Variants in CELF2 observed in about 807,000 individuals in gnomAD.
CELF2 encodes the protein CUG triplet repeat RNA-binding protein 2.
Under a neutral mutation model 62.6 loss-of-function variants are expected in CELF2, and 8 were observed. The observed-to-expected ratio is 0.13, with a 90% CI of 0.07 to 0.23. The LOEUF is 0.23. CELF2 is among the 10% of genes least tolerant of loss of function. The pLI, the probability that CELF2 is intolerant of heterozygous loss-of-function variation, is 1.00. For missense variants in CELF2, 333 were observed against 671.0 expected, an observed-to-expected ratio of 0.50 and a Z score of 5.56; for synonymous variants, 258 against 250.0, an observed-to-expected ratio of 1.03 and a Z score of -0.30.
At chr10:11,091,545 A>G (rs2048326644) in intron 1 of CELF2, among the ~76,000 whole-genome samples, 1 of 152,228 alleles carries the variant, frequency 6.6e-6, no homozygotes, top group African/African-American at 2.4e-5. Context: ...AGGGTAAACT[A>G]GATTTGTGAG....
At chr10:11,124,462 T>C (rs1050647849) in intron 1 of CELF2, among the ~76,000 whole-genome samples, 9 of 152,158 alleles carry the variant, frequency 5.9e-5, no homozygotes, top group Admixed American at 1.3e-4. Flanking sequence ...ATAAATTGCA[T>C]TACAAAGATG....
chr10:10,836,454 G>C (rs2058293864), intron 1 of CELF2, among the ~76,000 whole-genome samples: 1 of 152,210 alleles, frequency 6.6e-6, no homozygotes, highest in Admixed American at 6.5e-5. Context: ...CAACACTGAA[G>C]TAGATAACAA....
intron 1 of CELF2, among the ~76,000 whole-genome samples, chr10:11,135,289 C>G (rs2132007337): frequency 6.6e-6 from 1 of 152,342 alleles, no homozygotes; most frequent in African/African-American, 2.4e-5. Context: ...TATGCAGCGT[C>G]TATATTAACC....
the CELF2 span, among the ~76,000 whole-genome samples, chr10:10,548,348 A>T: frequency 6.6e-6 from 1 of 152,220 alleles, no homozygotes; most frequent in Non-Finnish European, 1.5e-5. Flanking sequence ...TCTCAGCTTC[A>T]AATTCAACCT....
Position 11,039,892 on chromosome 10 carries a change from G to A in CELF2, c.74+21729G>A, listed in dbSNP as rs991705418. On this transcript the variant is annotated intron_variant, in intron 1 of 12. Coordinates refer to ENST00000633077, the MANE Select transcript of CELF2 (RefSeq NM_001326342.2). This position sits in a 1 kb window ranked among gnomAD's most constrained non-coding sequence, Gnocchi z 4.1. ...GGAATGTGGTATGTGTTGGGGGTGG[G>A]ATCTTCCTGTTTGTTTTTGTCAAGC... Among the ~76,000 whole-genome samples, 1 of 152,116 alleles carries A rather than the reference G, an allele frequency of 6.6e-6. No homozygotes were observed. Among genetic ancestry groups the A allele is most frequent in the Non-Finnish European group, 1.5e-5 (1 of 68,024 alleles).
intron 1 of CELF2, among the ~76,000 whole-genome samples, chr10:10,895,505 C>T (rs2062481573): frequency 6.6e-6 from 1 of 152,032 alleles, no homozygotes; most frequent in African/African-American, 2.4e-5. Flanking sequence ...CAAAGAAGGA[C>T]CAGTAGTTGA....
upstream of CELF2, among the ~76,000 whole-genome samples, chr10:10,795,219 G>A (rs536370208): frequency 3.4e-5 from 5 of 149,060 alleles, no homozygotes; most frequent in South Asian, 2.2e-4. Flanking sequence ...AATCACGAAT[G>A]TTGCATTATA....
intron 5 of CELF2, among the ~76,000 whole-genome samples, chr10:11,258,084 C>G (rs574044596): frequency 6.6e-6 from 1 of 152,342 alleles, no homozygotes; most frequent in East Asian, 1.9e-4. Context: ...CATATTAGCT[C>G]AAGTTATCAC....
At chr10:11,325,738 A>G (rs553017083) in intron 11 of CELF2, 98 bp from the exon 12 acceptor site, 214 of 1,081,282 alleles carry the variant, frequency 2.0e-4, no homozygotes, top group South Asian at 1.9e-3. Flanking sequence ...TGTTCAACTA[A>G]ATGCTTAGCC....
intron 11 of CELF2, among the ~76,000 whole-genome samples, chr10:11,323,496 C>T (rs1017763561): frequency 1.3e-5 from 2 of 151,320 alleles, no homozygotes; most frequent in African/African-American, 2.4e-5. Context: ...CAGTTCAGTC[C>T]GAGGTTGCGA....
rs1591530357 is a variant in CELF2 at position 11,321,920 on chromosome 10, C to T, written c.1294+534C>T. ...CAGATCTAAGTCCAGGAAAGTTGAT[C>T]ACCTTTCTTGCAATCCCCAAATATC... On this transcript the variant is annotated intron_variant, in intron 11 of 12. Transcript: ENST00000633077. The surrounding 1 kb of genome is among the most constrained non-coding windows in gnomAD (Gnocchi z 6.2). Among the ~76,000 whole-genome samples, 1 of 152,182 alleles carries T rather than the reference C, an allele frequency of 6.6e-6. No individual in the cohort carries two copies. Among genetic ancestry groups the T allele is most frequent in the East Asian group, 1.9e-4 (1 of 5,202 alleles).
chr10:11,096,684 C>G (rs773758656), intron 1 of CELF2, among the ~76,000 whole-genome samples: 9 of 152,114 alleles, frequency 5.9e-5, no homozygotes, highest in Admixed American at 2.0e-4. Context: ...AATGACAAAA[C>G]CAAACCAAAC....
At chr10:11,313,256 A>C (rs973351121) in intron 9 of CELF2, among the ~76,000 whole-genome samples, 1 of 152,260 alleles carries the variant, frequency 6.6e-6, no homozygotes, top group Non-Finnish European at 1.5e-5. Context: ...TGCAAGTAGT[A>C]ACCTCTTGCA....
intron 3 of CELF2, among the ~76,000 whole-genome samples, chr10:11,235,599 A>G (rs2070900542): frequency 6.6e-6 from 1 of 152,210 alleles, no homozygotes; most frequent in Non-Finnish European, 1.5e-5. Flanking sequence ...AGACTGAGCA[A>G]CGCTGGAGGA....
the CELF2 span, among the ~76,000 whole-genome samples, chr10:10,760,406 G>A: frequency 1.3e-5 from 2 of 152,204 alleles, no homozygotes; most frequent in African/African-American, 4.8e-5. Context: ...CTTGGTTGTA[G>A]CAAGAGCCAG....
At chr10:10,846,075 C>T (rs2058994592) in intron 1 of CELF2, 13 of 984,430 alleles carry the variant, frequency 1.3e-5, no homozygotes, top group African/African-American at 1.7e-5. Flanking sequence ...TTTTGTGATT[C>T]GATCAGATCC....
chr10:11,073,852 C>T (rs1182131851), intron 1 of CELF2, among the ~76,000 whole-genome samples: 3 of 152,172 alleles, frequency 2.0e-5, no homozygotes, highest in African/African-American at 7.2e-5. Flanking sequence ...GGGTTTAATT[C>T]ACAATTTCTT....
intron 1 of CELF2, among the ~76,000 whole-genome samples, chr10:11,103,509 C>CTTTTTTTTTTTT (rs1332099184): frequency 2.5e-5 from 1 of 40,722 alleles, no homozygotes; most frequent in African/African-American, 2.1e-4. Context: ...TTTTTTTTTA[C>CTTTTTTTTTTTT]TGTGAACTCT....
rs752626791 is a variant in CELF2, at chr10:11,191,690, T to C, written c.272-25735T>C. The stretch of plus-strand genomic sequence containing the variant: ...CCTCCTCCCTGCAGAAGATGAGGCT[T>C]ATTCCCAGTCGGCAGACTGGACTTC... On this transcript the variant is annotated intron_variant, in intron 2 of 12. Coordinates refer to ENST00000633077, the MANE Select transcript of CELF2 (RefSeq NM_001326342.2). This position sits in a 1 kb window ranked among gnomAD's most constrained non-coding sequence, Gnocchi z 4.1. Among the ~76,000 whole-genome samples the C allele has an allele frequency of 1.3e-5, 2 of 152,136 alleles. No homozygotes were observed. The highest frequency in any genetic ancestry group is 2.9e-5 in the Non-Finnish European group (2 of 68,020).
Sources: allele counts gnomAD v4.1 joint callset (sites outside exome capture counted in the v4.1 genomes callset), GRCh38; gene constraint gnomAD v4.1.1; non-coding constraint Gnocchi (gnomAD v3.1); transcripts MANE v1.5; gene names NCBI Gene and HGNC (gene_info 2026-07-23, HGNC 2026-07-21).